The following BOD1L1 variants were observed in gnomAD, a reference collection of about 807,000 sequenced individuals.
BOD1L1 encodes the protein biorientation of chromosomes in cell division 1 like 1, also known as biorientation of chromosomes in cell division protein 1-like 1.
In BOD1L1, 86 loss-of-function variants were observed where a neutral mutation model predicts 240.7. The ratio of observed to expected loss-of-function variants is 0.36; its 90% CI spans 0.30 to 0.43. The LOEUF is 0.43. Ranked by LOEUF, BOD1L1 falls within the 20% of genes least tolerant of loss-of-function variation. The pLI is 1.00. For synonymous variants in BOD1L1, 1,268 were observed against 1,272.3 expected (o/e 1.00, Z 0.07); for missense variants, 3,554 against 3,643.5 (o/e 0.98, Z 0.63).
chr4:13,597,755 T>C (rs1308363028), intron 10 of BOD1L1, among the ~76,000 whole-genome samples: 1 of 152,204 alleles, frequency 6.6e-6, no homozygotes, highest in Non-Finnish European at 1.5e-5. Context: ...GAATGAGTAA[T>C]TGTAGCAATG....
chr4:13,587,740 C>A lies in BOD1L1; in HGVS notation c.8312G>T (p.Arg2771Ile), dbSNP rs776920790. The change falls in exon 16 of 26, where the codon AGA becomes ATA. Residue 2771 changes from arginine (R) to isoleucine (I), a missense_variant. Transcript: ENST00000040738. ...VEEEERHMPK[R>I]KRKQHYLSSE... is the part of the protein sequence containing the mutation. ...AGAGAGATAATGCTGCTTTCTTTTT[C>A]TTTTAGGCATATGCCTTTCTTCCTC... 13 of 1,559,816 alleles carry A rather than the reference C, an allele frequency of 8.3e-6. No individual in the cohort carries two copies. Among genetic ancestry groups the A allele is most frequent in the Admixed American group, 1.9e-5 (1 of 52,112 alleles).
Position 13,576,831 on chromosome 4 carries a change from C to T in BOD1L1, c.9038+7G>A. 3 of 1,612,686 alleles carry T rather than the reference C, an allele frequency of 1.9e-6. No homozygotes were observed. The highest frequency in any genetic ancestry group is 1.7e-6 in the Non-Finnish European group (2 of 1,179,444). On this transcript the variant is annotated splice_region_variant and intron_variant, in intron 25 of 25. Transcript: ENST00000040738. ...GGTCTCTGGCAGCTCTGTGCTGCCC[C>T]CATTACCTCTGAGCCTCTGATCTGG...
rs532958487 is a variant in BOD1L1 at position 13,613,362 on chromosome 4, T to C, written c.1324+150A>G. On this transcript the variant is annotated intron_variant, in intron 5 of 25. Coordinates refer to ENST00000040738, the MANE Select transcript of BOD1L1 (RefSeq NM_148894.3). The surrounding 1 kb of genome is among the most constrained non-coding windows in gnomAD (Gnocchi z 4.0). ...ACCAAGCTTGCTCAGACAGACAACT[T>C]TGGAGCTGGGACTCAGAAACAAATC... 1.0e-3 allele frequency: 699 copies of C among 677,062 alleles called. 9 individuals are homozygous for C. Among genetic ancestry groups the C allele is most frequent in the Middle Eastern group, 8.1e-3 (21 of 2,586 alleles). The allele number at this position is 677,062 out of a possible 1,614,324, so 41.9% of individuals were successfully genotyped here. A position where few individuals can be genotyped will look rare whatever the true frequency, so the allele number is the denominator to read the frequency against.
chr4:13,573,953 AG>A (rs1712475026), intron 25 of BOD1L1, among the ~76,000 whole-genome samples: 1 of 152,216 alleles, frequency 6.6e-6, no homozygotes, highest in Non-Finnish European at 1.5e-5. Flanking sequence ...CTGGGATTAC[AG>A]GCATGAGCCA....
chr4:13,573,932 C>A (rs1016231698), intron 25 of BOD1L1, among the ~76,000 whole-genome samples: 13 of 152,158 alleles, frequency 8.5e-5, no homozygotes, highest in African/African-American at 2.9e-4. Flanking sequence ...CTGCCTCAGC[C>A]TCCTGAGTAG....
Position 13,599,710 on chromosome 4 carries a change from C to G in BOD1L1, c.7190G>C (p.Gly2397Ala). 1 of 1,613,728 alleles carries G rather than the reference C, an allele frequency of 6.2e-7. No homozygotes were observed. Among genetic ancestry groups the G allele is most frequent in the Non-Finnish European group, 8.5e-7 (1 of 1,179,882 alleles). The change falls in exon 10 of 26, where the codon GGT becomes GCT. Residue 2397 changes from glycine (G) to alanine (A), a missense_variant. Around this residue, in one of 2 missense-constraint regions of BOD1L1, gnomAD observed 3,393 missense variants for 3,427.1 expected, o/e 0.99. Coordinates refer to ENST00000040738, the MANE Select transcript of BOD1L1 (RefSeq NM_148894.3). ...CTCGGTGCTCACTGCCAACACGGGA[C>G]CCGGTTCTTTGCCTCCCCTGACTGG... ...PGPVRGGKEP[G>A]PVLAVSTEEG...
chr4:13,615,257 A>T, intron 3 of BOD1L1, 55 bp downstream of exon 3: 1 of 1,460,352 alleles, frequency 6.8e-7, no homozygotes, highest in South Asian at 1.4e-5. Context: ...CCCTAACTTG[A>T]TATTCAGTTC....
Position 13,614,351 on chromosome 4 carries a change from T to C in BOD1L1, c.1019A>G (p.Glu340Gly). 2 of 1,551,356 alleles carry C rather than the reference T, an allele frequency of 1.3e-6. No homozygotes were observed. Among genetic ancestry groups the C allele is most frequent in the Non-Finnish European group, 1.7e-6 (2 of 1,147,010 alleles). Residue 340 changes from glutamate (E) to glycine (G), a missense_variant, in exon 4 of 26, where the codon GAA becomes GGA. Transcript: ENST00000040738. ...EKGERKKEKKEKTEKKFDHSK... is the reference protein window; with the variant it reads ...EKGERKKEKKGKTEKKFDHSK... ...GTGATCAAATTTCTTTTCAGTCTTT[T>C]CCTTCTTTTCTTTCTTTCTTTCTCC...
rs1408716557 is a variant in BOD1L1 at position 13,601,058 on chromosome 4, A to G, written c.5842T>C (p.Ser1948Pro). 1.2e-6 allele frequency: 2 copies of G among 1,613,880 alleles called. No homozygotes were observed. Among genetic ancestry groups the G allele is most frequent in the East Asian group, 2.2e-5 (1 of 44,884 alleles). ...EKGSKDTDICSSAKGIVESSV... is the reference protein window; with the variant it reads ...EKGSKDTDICPSAKGIVESSV... ...CTTTCTACAATCCCTTTTGCACTGG[A>G]GCAGATATCTGTGTCTTTACTTCCT... The change falls in exon 10 of 26, where the codon TCC (serine) becomes CCC (proline). Residue 1948 changes from serine to proline, a missense_variant. Coordinates refer to ENST00000040738, the MANE Select transcript of BOD1L1 (RefSeq NM_148894.3).
Position 13,604,982 on chromosome 4 carries a change from C to T in BOD1L1, c.1918G>A (p.Val640Ile). 1 of 1,613,480 alleles carries T rather than the reference C, an allele frequency of 6.2e-7. No homozygotes were observed. Among genetic ancestry groups the T allele is most frequent in the Non-Finnish European group, 8.5e-7 (1 of 1,179,702 alleles). Reference sequence around the variant, plus strand: ...GATTCATTTTTGTTTTCGTCAACTACATGCAAAGACTCTGAAAGTCTCCGG... The same window carrying T: ...GATTCATTTTTGTTTTCGTCAACTATATGCAAAGACTCTGAAAGTCTCCGG... ...PARRLSESLH[V>I]VDENKNESKL... Residue 640 changes from valine (V) to isoleucine (I), a missense_variant, in exon 10 of 26, where the codon GTA becomes ATA. By Grantham distance (29) the Val-to-Ile change is conservative. Around this residue, in one of 2 missense-constraint regions of BOD1L1, gnomAD observed 3,393 missense variants for 3,427.1 expected, o/e 0.99. Transcript: ENST00000040738.
intron 19 of BOD1L1, 22 bp downstream of exon 19, chr4:13,582,215 A>T: frequency 6.3e-7 from 1 of 1,592,728 alleles, no homozygotes; most frequent in Non-Finnish European, 8.6e-7. Flanking sequence ...GTGAACAAAC[A>T]AATACGAAAA....
At position 13,608,685 on chromosome 4, in the gene BOD1L1, C is replaced by A; in HGVS notation, c.1604-17G>T. 2 of 1,406,674 alleles carry A rather than the reference C, an allele frequency of 1.4e-6. No homozygotes were observed. The highest frequency in any genetic ancestry group is 1.9e-6 in the Non-Finnish European group (2 of 1,077,456). 87.1% of individuals were successfully genotyped at this position (1,406,674 alleles called of 1,614,324 possible). ...TACTCCTGCCTAGAAAAGAAGCAAT[C>A]AATAAAACGTATTTCAGAAAAGTTT... is the stretch of plus-strand genomic sequence containing the variant. On this transcript the variant is annotated splice_polypyrimidine_tract_variant and intron_variant, in intron 7 of 25. Transcript: ENST00000040738.
intron 6 of BOD1L1, among the ~76,000 whole-genome samples, chr4:13,610,652 C>T (rs1170067592): frequency 6.6e-6 from 1 of 152,204 alleles, no homozygotes; most frequent in Non-Finnish European, 1.5e-5. Flanking sequence ...TAAGATTTGT[C>T]ACTATGTATA....
chr4:13,601,030 C>A lies in BOD1L1; in HGVS notation c.5870G>T (p.Ser1957Ile). 6.2e-7 allele frequency: 1 copy of A among 1,614,028 alleles called. No individual in the cohort carries two copies. Among genetic ancestry groups the A allele is most frequent in the Non-Finnish European group, 8.5e-7 (1 of 1,179,906 alleles). The change falls in exon 10 of 26, where the codon AGT becomes ATT. Residue 1957 changes from serine to isoleucine, a missense_variant. Physicochemically the swap from Ser to Ile is moderately radical, Grantham distance 142 (BLOSUM62 -2). Coordinates refer to ENST00000040738, the MANE Select transcript of BOD1L1 (RefSeq NM_148894.3). ...CSSAKGIVES[S>I]VTSAVSGKDE... Reference sequence around the variant, plus strand: ...CTTTCCTGAGACTGCACTGGTCACACTGCTTTCTACAATCCCTTTTGCACT... The same window carrying A: ...CTTTCCTGAGACTGCACTGGTCACAATGCTTTCTACAATCCCTTTTGCACT...
chr4:13,602,486 C>T lies in BOD1L1; in HGVS notation c.4414G>A (p.Asp1472Asn), dbSNP rs1474723394. Reference sequence around the variant, plus strand: ...CTGTTTTCATTCCTTCTTTCAACATCAATTGATATGTCTTTTACTTTACCT... The same window carrying T: ...CTGTTTTCATTCCTTCTTTCAACATTAATTGATATGTCTTTTACTTTACCT... ...SPGKVKDISI[D>N]VERRNENSEV... Residue 1472 changes from aspartate (D) to asparagine (N), a missense_variant, in exon 10 of 26, where the codon GAT becomes AAT. Asp to Asn is a conservative substitution (Grantham distance 23). Coordinates refer to ENST00000040738, the MANE Select transcript of BOD1L1 (RefSeq NM_148894.3). 4 of 1,613,876 alleles carry T rather than the reference C, an allele frequency of 2.5e-6. No individual in the cohort carries two copies. In the South Asian group the frequency reaches 3.3e-5, roughly 13 times the overall value.
intron 12 of BOD1L1, among the ~76,000 whole-genome samples, chr4:13,593,860 T>C (rs1431795197): frequency 6.6e-6 from 1 of 152,218 alleles, no homozygotes; most frequent in Non-Finnish European, 1.5e-5. Flanking sequence ...TGGTCTGGAA[T>C]ACCATGTGGA....
In BOD1L1 at chr4:13,599,410, C is replaced by A; in HGVS notation, c.7490G>T (p.Gly2497Val). 6.2e-7 allele frequency: 1 copy of A among 1,613,974 alleles called. No homozygotes were observed. Among genetic ancestry groups the A allele is most frequent in the South Asian group, 1.1e-5 (1 of 91,082 alleles). The change falls in exon 10 of 26, where the codon GGG becomes GTG. Residue 2497 changes from glycine (G) to valine (V), a missense_variant. Coordinates refer to ENST00000040738, the MANE Select transcript of BOD1L1 (RefSeq NM_148894.3). ...ASYSAGRGLE[G>V]NANSPAHLRG... ...CAGGTGGGCAGGTGAGTTAGCATTC[C>A]CCTCTAAGCCCCTTCCTGCTGAATA...
intron 7 of BOD1L1, among the ~76,000 whole-genome samples, chr4:13,609,067 A>C (rs895601606): frequency 6.6e-6 from 1 of 152,190 alleles, no homozygotes; most frequent in African/African-American, 2.4e-5. Flanking sequence ...TATACTGCTA[A>C]CAAATGAGTT....
intron 5 of BOD1L1, among the ~76,000 whole-genome samples, chr4:13,612,809 A>G (rs1716277796): frequency 6.6e-6 from 1 of 152,104 alleles, no homozygotes; most frequent in Admixed American, 6.6e-5. Flanking sequence ...TTTGACCTCT[A>G]GAGGGGGTAG....
Sources: gnomAD v4.1 joint callset for allele counts (sites outside exome capture counted in the v4.1 genomes callset) on GRCh38, gnomAD v4.1.1 for gene constraint, gnomAD v4.1.1 regional missense constraint, Gnocchi (gnomAD v3.1) non-coding constraint, MANE v1.5 for transcripts, NCBI Gene and HGNC (gene_info 2026-07-23, HGNC 2026-07-21) for gene names.